The following IWS1 variants were observed in gnomAD, a reference collection of about 807,000 sequenced individuals.
IWS1 encodes interacts with SUPT6H, CTD assembly factor 1.
A neutral mutation model predicts 86.7 loss-of-function variants in IWS1; 27 were observed. That is an observed-to-expected ratio of 0.31 (90% CI 0.23 to 0.43). The LOEUF (loss-of-function observed/expected upper bound fraction) is 0.43, where lower values mean the gene tolerates loss of function less well. Among genes scored for constraint, IWS1 ranks in the 20% least tolerant of loss-of-function variants. The pLI is 1.00. For synonymous variants in IWS1, 313 were observed against 335.1 expected (o/e 0.93, Z 0.72); for missense variants, 827 against 1,000.8 (o/e 0.83, Z 2.34).
At chr2:127,515,514 G>A (rs1691722155) in intron 2 of IWS1, among the ~76,000 whole-genome samples, 2 of 152,202 alleles carry the variant, frequency 1.3e-5, no homozygotes, top group Admixed American at 1.3e-4. Flanking sequence ...GACAAGAGAA[G>A]CATAATAGGT....
rs546318732 is a variant in IWS1, at chr2:127,502,579, T to A, written c.1467+236A>T. 5 of 327,658 alleles carry A rather than the reference T, an allele frequency of 1.5e-5. 1 individual carries two copies. In the South Asian group the frequency reaches 4.6e-4, roughly 30 times the overall value. The allele number at this position is 327,658 out of a possible 1,614,324, so 20.3% of individuals were successfully genotyped here. ...TTGCCCTTTAGCATTATAAAGTGAC[T>A]TTCTTTGTCTCAAAGTGTCCCTTCC... On this transcript the variant is annotated intron_variant, in intron 5 of 13. Transcript: ENST00000295321.
intron 2 of IWS1, among the ~76,000 whole-genome samples, chr2:127,512,969 A>G (rs1226448450): frequency 2.0e-5 from 3 of 152,248 alleles, no homozygotes; most frequent in Non-Finnish European, 4.4e-5. Context: ...GTGGGGCACC[A>G]TGGCTCACAC....
In IWS1 at chr2:127,523,758, C is replaced by T. The variant is rs569626200; in HGVS notation, c.68G>A (p.Arg23Gln). Residue 23 changes from arginine (R) to glutamine (Q), a missense_variant, in exon 2 of 14, where the codon CGG becomes CAG. By Grantham distance (43) the Arg-to-Gln change is conservative. Around this residue, in one of 2 missense-constraint regions of IWS1, gnomAD observed 548 missense variants for 560.2 expected, o/e 0.98. Coordinates refer to ENST00000295321, the MANE Select transcript of IWS1 (RefSeq NM_017969.3). Reference sequence around the variant, plus strand: ...ATCCTCACCGTCTGACCCTGAATCCCGTTCATCCTGTACTGGGGTAGCACC... The same window carrying T: ...ATCCTCACCGTCTGACCCTGAATCCTGTTCATCCTGTACTGGGGTAGCACC... ...DGGATPVQDE[R>Q]DSGSDGEDDV... The T allele has an allele frequency of 9.9e-6, 16 of 1,613,862 alleles. 1 individual carries two copies. Among genetic ancestry groups the T allele is most frequent in the African/African-American group, 6.7e-5 (5 of 75,038 alleles).
At chr2:127,526,099 C>T in intron 1 of IWS1, 76 bp downstream of exon 1, 2 of 1,448,230 alleles carry the variant, frequency 1.4e-6, no homozygotes, top group Non-Finnish European at 1.9e-6. Context: ...CTTGCCCCCA[C>T]CCGCGGGGTG....
Position 127,489,122 on chromosome 2 carries a change from C to T in IWS1, c.2216+57G>A, listed in dbSNP as rs1358456696. 1.6e-6 allele frequency: 2 copies of T among 1,225,766 alleles called. No individual in the cohort carries two copies. Among genetic ancestry groups the T allele is most frequent in the South Asian group, 2.6e-5 (2 of 76,950 alleles). 75.9% of individuals were successfully genotyped at this position (1,225,766 alleles called of 1,614,324 possible). On this transcript the variant is annotated intron_variant, in intron 12 of 13. Coordinates refer to ENST00000295321, the MANE Select transcript of IWS1 (RefSeq NM_017969.3). This position sits in a 1 kb window ranked among gnomAD's most constrained non-coding sequence, Gnocchi z 4.8. ...ATTTCATTTACTACTTTTCTTAAAG[C>T]AGCAAACGGAAATTCTCTATATAGT... is the stretch of plus-strand genomic sequence containing the variant.
chr2:127,506,089 A>C (rs535657094), intron 2 of IWS1, among the ~76,000 whole-genome samples: 1 of 152,332 alleles, frequency 6.6e-6, no homozygotes, highest in African/African-American at 2.4e-5. Context: ...TTTTGTAAAA[A>C]TATAACTCTA....
chr2:127,503,261 T>C, intron 4 of IWS1, 126 bp downstream of exon 4: 1 of 684,880 alleles, frequency 1.5e-6, no homozygotes, highest in South Asian at 2.2e-5. Context: ...GTGTGTTCAG[T>C]TCAGGAACTA....
chr2:127,525,320 T>A (rs754528363), intron 1 of IWS1, among the ~76,000 whole-genome samples: 2 of 152,192 alleles, frequency 1.3e-5, no homozygotes, highest in Non-Finnish European at 2.9e-5. Context: ...TAGAATTCAC[T>A]GTCCTACGTA....
rs74492489 is a variant in IWS1 at position 127,489,593 on chromosome 2, A to T, written c.2159+239T>A. 1,445 of 539,898 alleles carry T rather than the reference A, an allele frequency of 2.7e-3. 23 individuals carry two copies. The highest frequency in any genetic ancestry group is 0.025 in the African/African-American group (1,307 of 52,260). 33.4% of individuals were successfully genotyped at this position (539,898 alleles called of 1,614,324 possible). A position where few individuals can be genotyped will look rare whatever the true frequency, so the allele number is the denominator to read the frequency against. ...AGTGGATGGAACAACACAAGCAATCAGTATCCTGAAACAGGCCCTGTTCCA... is the reference window on the plus strand; with the variant it reads ...AGTGGATGGAACAACACAAGCAATCTGTATCCTGAAACAGGCCCTGTTCCA... On this transcript the variant is annotated intron_variant, in intron 11 of 13. Transcript: ENST00000295321. This position sits in a 1 kb window ranked among gnomAD's most constrained non-coding sequence, Gnocchi z 4.8.
At chr2:127,492,138 G>T (rs1204488779) in intron 9 of IWS1, 50 bp from the exon 10 acceptor site, 2 of 1,155,234 alleles carry the variant, frequency 1.7e-6, no homozygotes, top group African/African-American at 3.0e-5. Context: ...GAAGCTGGGG[G>T]TCTTGCTAGT....
chr2:127,523,626 T>G, intron 2 of IWS1, 50 bp downstream of exon 2: 1 of 1,196,752 alleles, frequency 8.4e-7, no homozygotes, highest in East Asian at 2.3e-5. Context: ...ATAACAGATC[T>G]CACAGAACGC....
rs762344786 is a variant in IWS1, at chr2:127,504,877, T to C, written c.1026A>G (p.Thr342=). The C allele has an allele frequency of 3.7e-6, 6 of 1,614,236 alleles. No individual in the cohort carries two copies. In the Admixed American group the frequency reaches 8.3e-5, roughly 22 times the overall value. The stretch of plus-strand genomic sequence containing the variant: ...AATGGAAGGAGTCATTCTGCATTTC[T>C]GTATCCTCTCCCTTATTCTCCCTGT... ...DSDRENKGED[T]EMQNDSFHSD... The change falls in exon 3 of 14, where the codon ACA becomes ACG. Residue 342 remains threonine, a synonymous_variant. Transcript: ENST00000295321.
intron 2 of IWS1, among the ~76,000 whole-genome samples, chr2:127,519,214 C>T (rs1691950515): frequency 6.6e-6 from 1 of 152,174 alleles, no homozygotes; most frequent in African/African-American, 2.4e-5. Flanking sequence ...ACAGAACAAG[C>T]TACCTAGACA....
rs142494660 is a variant in IWS1 at position 127,482,097 on chromosome 2, T to C, written c.2329-922A>G. Among the ~76,000 whole-genome samples, 309 of 152,362 alleles carry C rather than the reference T, an allele frequency of 2.0e-3. 1 individual carries two copies. Among genetic ancestry groups the C allele is most frequent in the African/African-American group, 7.0e-3 (292 of 41,580 alleles). On this transcript the variant is annotated intron_variant, in intron 13 of 13. Transcript: ENST00000295321. ...AAACAATTCAGATGTTTAAGAATGA[T>C]GACTGCTTAAAAAGAGATGGGTTTT...
chr2:127,509,409 T>C (rs960704273), intron 2 of IWS1, among the ~76,000 whole-genome samples: 1 of 152,164 alleles, frequency 6.6e-6, no homozygotes, highest in East Asian at 1.9e-4. Context: ...TTAGATGCTT[T>C]AGAAACATCT....
chr2:127,482,773 C>T (rs1689700398), intron 13 of IWS1: 1 of 152,148 alleles, frequency 6.6e-6, no homozygotes, highest in Non-Finnish European at 1.5e-5. Context: ...CTTGAAAAGA[C>T]AGACCAGAGT....
In IWS1 at chr2:127,515,827, G is replaced by T. The variant is rs571708403; in HGVS notation, c.150+7849C>A. 9.9e-5 allele frequency among the ~76,000 whole-genome samples: 15 copies of T among 152,262 alleles called. No individual in the cohort carries two copies. The Middle Eastern group carries it at 0.014, about 138-fold the overall frequency. ...AGATTGCTGCAGCCAGAAATACAGA[G>T]TTCCTTCTCCATCCTGCTTCAGTTA... On this transcript the variant is annotated intron_variant, in intron 2 of 13. Transcript: ENST00000295321.
intron 12 of IWS1, among the ~76,000 whole-genome samples, 179 bp downstream of exon 12, chr2:127,489,000 T>C (rs1690075871): frequency 1.3e-5 from 2 of 152,238 alleles, no homozygotes; most frequent in Admixed American, 6.5e-5. Context: ...AATTATTTTC[T>C]CAATTTTCCT....
chr2:127,501,141 ATTCT>A (rs1690786087), intron 5 of IWS1, among the ~76,000 whole-genome samples: 1 of 152,028 alleles, frequency 6.6e-6, no homozygotes, highest in East Asian at 1.9e-4. Context: ...ATCTGAGATC[ATTCT>A]TTCTTGCATT....
Sources: allele counts gnomAD v4.1 joint callset (sites outside exome capture counted in the v4.1 genomes callset), GRCh38; gene constraint gnomAD v4.1.1; regional missense constraint gnomAD v4.1.1; non-coding constraint Gnocchi (gnomAD v3.1); transcripts MANE v1.5; gene names NCBI Gene and HGNC (gene_info 2026-07-23, HGNC 2026-07-21).